Variants in ZNRF3 observed in about 807,000 individuals in gnomAD.
ZNRF3 encodes the protein zinc and ring finger 3.
ZNRF3 carries 23 observed loss-of-function variants against 72.5 expected under a neutral mutation model. The ratio of observed to expected loss-of-function variants is 0.32; its 90% CI spans 0.23 to 0.45. ZNRF3 has a LOEUF of 0.45. Among genes scored for constraint, ZNRF3 ranks in the 20% least tolerant of loss-of-function variants. ZNRF3 has a pLI of 1.00. For synonymous variants in ZNRF3, 610 were observed against 545.3 expected (o/e 1.12, Z -1.65); for missense variants, 1,169 against 1,272.1 (o/e 0.92, Z 1.23).
intron 1 of ZNRF3, among the ~76,000 whole-genome samples, chr22:28,931,441 T>C (rs372088259): frequency 7.2e-5 from 11 of 152,158 alleles, no homozygotes; most frequent in African/African-American, 2.7e-4. Flanking sequence ...AGATGTTACT[T>C]TGGGAGTACT....
At chr22:28,964,829 T>G (rs1160989544) in intron 1 of ZNRF3, among the ~76,000 whole-genome samples, 1 of 152,256 alleles carries the variant, frequency 6.6e-6, no homozygotes, top group Non-Finnish European at 1.5e-5. Flanking sequence ...GGTCATAATT[T>G]TTGGTATGAA....
chr22:28,938,009 G>A (rs2034873203), intron 1 of ZNRF3, among the ~76,000 whole-genome samples: 1 of 152,046 alleles, frequency 6.6e-6, no homozygotes, highest in South Asian at 2.1e-4. Flanking sequence ...GAACAAAGGA[G>A]CCAACATTGA....
chr22:29,006,445 C>T (rs1288235241), intron 2 of ZNRF3, among the ~76,000 whole-genome samples: 1 of 152,132 alleles, frequency 6.6e-6, no homozygotes, highest in African/African-American at 2.4e-5. Context: ...CTCCTGACCT[C>T]AGGTGATCTG....
At chr22:28,918,923 C>T (rs1030013046) in intron 1 of ZNRF3, among the ~76,000 whole-genome samples, 10 of 152,070 alleles carry the variant, frequency 6.6e-5, no homozygotes, top group African/African-American at 1.2e-4. Flanking sequence ...GTGGAAATAC[C>T]GGATTGGGGG....
chr22:28,887,417 A>G (rs2033812490), intron 1 of ZNRF3, among the ~76,000 whole-genome samples: 1 of 152,092 alleles, frequency 6.6e-6, no homozygotes, highest in Admixed American at 6.6e-5. Context: ...TCAGAGAGAG[A>G]GAGAGAGTGC....
chr22:28,931,656 C>G (rs2034709631), intron 1 of ZNRF3, among the ~76,000 whole-genome samples: 1 of 152,148 alleles, frequency 6.6e-6, no homozygotes. Flanking sequence ...TGTCCACACA[C>G]CCATCTGTCC....
Position 29,050,523 on chromosome 22 carries a change from T to G in ZNRF3, c.2342T>G (p.Phe781Cys), listed in dbSNP as rs1345315875. The G allele has an allele frequency of 3.7e-6, 6 of 1,612,038 alleles. No individual in the cohort carries two copies. In the Admixed American group the frequency reaches 1.0e-4, roughly 27 times the overall value. Residue 781 changes from phenylalanine (F) to cysteine (C), a missense_variant, in exon 8 of 9, where the codon TTC becomes TGC. By Grantham distance (205) the Phe-to-Cys change is radical. Transcript: ENST00000544604. ...AAATACGAGGGTCTGCCCTGCTGCT[T>G]CTATGAAGAGAAGCAGGTGGCCCGC... is the stretch of plus-strand genomic sequence containing the variant. ...GVKYEGLPCC[F>C]YEEKQVARGG...
intron 2 of ZNRF3, among the ~76,000 whole-genome samples, chr22:28,997,638 C>A (rs572811136): frequency 1.3e-5 from 2 of 152,222 alleles, no homozygotes; most frequent in African/African-American, 4.8e-5. Context: ...TCAGTAACAG[C>A]TGGGTTACTT....
chr22:28,977,580 C>T (rs886738532), intron 1 of ZNRF3, among the ~76,000 whole-genome samples: 2 of 152,158 alleles, frequency 1.3e-5, no homozygotes, highest in African/African-American at 2.4e-5. Context: ...GACACCCTAC[C>T]CTGGCCGACA....
chr22:29,038,324 G>A (rs1054808634), intron 2 of ZNRF3, among the ~76,000 whole-genome samples: 12 of 151,036 alleles, frequency 7.9e-5, no homozygotes, highest in African/African-American at 2.9e-4. Context: ...GAATGACCAA[G>A]TAATGTTCTG....
chr22:28,990,995 G>A (rs1023506507), intron 2 of ZNRF3, among the ~76,000 whole-genome samples: 7 of 151,962 alleles, frequency 4.6e-5, no homozygotes, highest in African/African-American at 1.2e-4. Flanking sequence ...TTGGAAAACA[G>A]CATGGGCCAG....
At position 29,055,363 on chromosome 22, in the gene ZNRF3, C is replaced by G. The variant is rs1313116407; in HGVS notation, c.*1741C>G. 1 of 152,168 alleles carries G rather than the reference C, an allele frequency of 6.6e-6. No homozygotes were observed. Among genetic ancestry groups the G allele is most frequent in the Non-Finnish European group, 1.5e-5 (1 of 68,038 alleles). The allele number at this position is 152,168 out of a possible 1,614,324, so 9.4% of individuals were successfully genotyped here. On this transcript the variant is annotated 3_prime_UTR_variant, in exon 9 of 9. Coordinates refer to ENST00000544604, the MANE Select transcript of ZNRF3 (RefSeq NM_001206998.2). ...GAGAATAGGAAACTTGAGACCTGGC[C>G]CCCTGTGGGTAGGAGAACAAGGACC...
intron 5 of ZNRF3, 143 bp downstream of exon 5, chr22:29,045,033 A>G (rs1403791266): frequency 9.3e-6 from 6 of 646,466 alleles, no homozygotes; most frequent in South Asian, 1.9e-5. Context: ...GCCTGTTCCC[A>G]GTGGCCTAGA....
chr22:28,985,668 C>A (rs1368419633), intron 1 of ZNRF3, among the ~76,000 whole-genome samples: 1 of 152,196 alleles, frequency 6.6e-6, no homozygotes, highest in African/African-American at 2.4e-5. Flanking sequence ...AGGGCCTGGT[C>A]ACCTCTGGGT....
chr22:29,020,936 A>G (rs1477614349), intron 2 of ZNRF3, among the ~76,000 whole-genome samples: 1 of 151,994 alleles, frequency 6.6e-6, no homozygotes, highest in African/African-American at 2.4e-5. Context: ...AGCTAGGATT[A>G]CAGGCACCCA....
At chr22:28,943,498 T>C (rs775316123) in intron 1 of ZNRF3, among the ~76,000 whole-genome samples, 16 of 152,120 alleles carry the variant, frequency 1.1e-4, no homozygotes, top group Non-Finnish European at 2.2e-4. Context: ...CTCTAAAATA[T>C]GAGGTTTGGA....
intron 1 of ZNRF3, among the ~76,000 whole-genome samples, chr22:28,947,638 A>G (rs1421618176): frequency 6.6e-6 from 1 of 152,012 alleles, no homozygotes; most frequent in Non-Finnish European, 1.5e-5. Flanking sequence ...CTTTTCATGT[A>G]CTTATTGGCC....
chr22:28,992,001 T>C (rs77086070), intron 2 of ZNRF3, among the ~76,000 whole-genome samples: 2 of 148,852 alleles, frequency 1.3e-5, no homozygotes, highest in African/African-American at 5.0e-5. Flanking sequence ...AAAAAAAAAA[T>C]AATAAGCTGG....
chr22:28,914,447 A>C (rs2034372547), intron 1 of ZNRF3, among the ~76,000 whole-genome samples: 1 of 151,784 alleles, frequency 6.6e-6, no homozygotes, highest in Non-Finnish European at 1.5e-5. Flanking sequence ...GAGGAGTTTA[A>C]ATTCTTCTCC....
Sources: gnomAD v4.1 joint callset for allele counts (sites outside exome capture counted in the v4.1 genomes callset) on GRCh38, gnomAD v4.1.1 for gene constraint, MANE v1.5 for transcripts, NCBI Gene and HGNC (gene_info 2026-07-23, HGNC 2026-07-21) for gene names.